The following TBC1D8B variants were observed in gnomAD, a reference collection of about 807,000 sequenced individuals.
The protein encoded by TBC1D8B is RP11-321G1.1.
A neutral mutation model predicts 82.9 loss-of-function variants in TBC1D8B; 75 were observed. The observed-to-expected ratio is 0.90, with a 90% CI of 0.75 to 1.10. The LOEUF is 1.10. TBC1D8B is among the 50% of genes least tolerant of loss of function. The pLI is 0.00. For missense variants in TBC1D8B, 794 were observed against 796.9 expected (o/e 1.00, Z 0.04); for synonymous variants, 276 against 276.8 (o/e 1.00, Z 0.03).
At chrX:106,810,424 T>C (rs5962756) in intron 1 of TBC1D8B, among the ~76,000 whole-genome samples, 7,723 of 111,655 alleles carry the variant, frequency 0.069, 700 homozygotes, top group African/African-American at 0.24. Flanking sequence ...CAATATATAA[T>C]GCACTTAGCG....
rs778943709 is a variant in TBC1D8B, at chrX:106,849,280, G to C, written c.1838-745G>C. On this transcript the variant is annotated intron_variant, in intron 11 of 20. Coordinates refer to ENST00000357242, the MANE Select transcript of TBC1D8B (RefSeq NM_017752.3). ...TTTTATGCCACTAGTAAGAATCCAA[G>C]GACAATGTGTTATTGGGGAGAAGTA... 3 of 1,118,403 alleles carry C rather than the reference G, an allele frequency of 2.7e-6. No homozygotes were observed. The African/African-American group carries it at 6.1e-5, about 23-fold the overall frequency. The allele number at this position is 1,118,403 out of a possible 1,213,427, so 92.2% of individuals were successfully genotyped here.
chrX:106,859,866 C>T (rs771717997), intron 14 of TBC1D8B, among the ~76,000 whole-genome samples: 1 of 111,916 alleles, frequency 8.9e-6, no homozygotes, highest in South Asian at 3.7e-4. Context: ...AGATACAGTT[C>T]TTCAATGCCT....
intron 10 of TBC1D8B, among the ~76,000 whole-genome samples, chrX:106,844,506 T>A (rs750027152): frequency 9.7e-6 from 1 of 102,612 alleles, no homozygotes; most frequent in South Asian, 4.0e-4. Context: ...CATATATATA[T>A]AAACATATAT....
chrX:106,803,047 A>G (rs1320863366), intron 1 of TBC1D8B, 64 bp downstream of exon 1: 2 of 1,086,001 alleles, frequency 1.8e-6, no homozygotes, highest in South Asian at 2.4e-5. Context: ...GGTGGTGAGG[A>G]CAACAGTTAC....
intron 7 of TBC1D8B, among the ~76,000 whole-genome samples, chrX:106,834,034 T>C (rs978939224): frequency 1.8e-5 from 2 of 111,726 alleles, no homozygotes; most frequent in African/African-American, 6.5e-5. Flanking sequence ...TTTTCCTTTA[T>C]TGGCTTCTTC....
intron 17 of TBC1D8B, 61 bp from the exon 18 acceptor site, chrX:106,868,332 G>GA: frequency 1.3e-6 from 1 of 793,734 alleles, no homozygotes. Context: ...GACCCATTAT[G>GA]AACCTCATCT....
chrX:106,839,259 G>T (rs1255269694), intron 7 of TBC1D8B, 49 bp from the exon 8 acceptor site: 2 of 1,070,546 alleles, frequency 1.9e-6, no homozygotes, highest in South Asian at 3.1e-5. Flanking sequence ...TTTTTTTCTT[G>T]TAGAAACGTA....
At chrX:106,822,248 A>G (rs763662870) in intron 4 of TBC1D8B, 46 bp downstream of exon 4, 1 of 974,457 alleles carries the variant, frequency 1.0e-6, no homozygotes, top group Non-Finnish European at 1.4e-6. Context: ...TTGCTGTCTG[A>G]CCTACCAACT....
intron 10 of TBC1D8B, among the ~76,000 whole-genome samples, chrX:106,843,433 CTTTCTTTTTGATTGCAGCCATTCCGG>C (rs1429938576): frequency 8.9e-6 from 1 of 111,782 alleles, no homozygotes; most frequent in African/African-American, 3.2e-5. Flanking sequence ...TCTTAATTGT[CTTTCTTTTTGATTGCAGCCATTCCGG>C]TGAGCGTGAA....
At chrX:106,807,652 A>C (rs753968147) in intron 1 of TBC1D8B, among the ~76,000 whole-genome samples, 28 of 111,476 alleles carry the variant, frequency 2.5e-4, no homozygotes, top group Non-Finnish European at 4.0e-4. Flanking sequence ...CTTTAAAGGT[A>C]ATTTTTTACT....
intron 1 of TBC1D8B, among the ~76,000 whole-genome samples, chrX:106,808,960 G>A (rs941991732): frequency 9.0e-6 from 1 of 111,380 alleles, no homozygotes; most frequent in African/African-American, 3.3e-5. Context: ...CCAGGAGTTC[G>A]AGGCCAGCCT....
At chrX:106,808,684 G>A (rs1000180502) in intron 1 of TBC1D8B, among the ~76,000 whole-genome samples, 2 of 112,183 alleles carry the variant, frequency 1.8e-5, no homozygotes, top group Non-Finnish European at 3.8e-5. Context: ...TTCTCAAACA[G>A]TGCTTCCGTA....
intron 5 of TBC1D8B, among the ~76,000 whole-genome samples, chrX:106,824,248 A>G (rs2147734633): frequency 9.0e-6 from 1 of 111,318 alleles, no homozygotes; most frequent in South Asian, 3.8e-4. Flanking sequence ...AGCTTCTGGC[A>G]AGGAGGATGT....
chrX:106,852,790 C>T (rs762063521), intron 12 of TBC1D8B, among the ~76,000 whole-genome samples: 5 of 111,122 alleles, frequency 4.5e-5, no homozygotes, highest in Non-Finnish European at 9.4e-5. Context: ...TGTTTTGGTA[C>T]CAGTACCATG....
chrX:106,860,051 A>T (rs1421454013), intron 14 of TBC1D8B, among the ~76,000 whole-genome samples: 1 of 111,582 alleles, frequency 9.0e-6, no homozygotes, highest in Non-Finnish European at 1.9e-5. Flanking sequence ...ATACTTGCTC[A>T]TGGTGTGTTA....
intron 14 of TBC1D8B, among the ~76,000 whole-genome samples, chrX:106,862,338 A>G (rs780222274): frequency 2.4e-4 from 27 of 111,612 alleles, no homozygotes; most frequent in African/African-American, 7.5e-4. Context: ...TAATTCAGAG[A>G]ACCAGTCTTC....
intron 14 of TBC1D8B, 147 bp downstream of exon 14, chrX:106,854,443 CTT>C (rs1217354307): frequency 2.8e-6 from 1 of 354,437 alleles, no homozygotes; most frequent in African/African-American, 2.7e-5. Context: ...ATGGTAAATT[CTT>C]TTTTAGAGAA....
In TBC1D8B at chrX:106,875,206, C is replaced by T; in HGVS notation, c.*1241C>T. On this transcript the variant is annotated 3_prime_UTR_variant, in exon 21 of 21. Coordinates refer to ENST00000357242, the MANE Select transcript of TBC1D8B (RefSeq NM_017752.3). ...TGACTTAGAAAATAGGGGGAGAAAT[C>T]ATTCATTGGAGCTTCTTTCTTTAGA... 1 of 111,110 alleles carries T rather than the reference C, an allele frequency of 9.0e-6. No individual in the cohort carries two copies. Among genetic ancestry groups the T allele is most frequent in the South Asian group, 3.9e-4 (1 of 2,592 alleles). The allele number at this position is 111,110 out of a possible 1,213,427, so 9.2% of individuals were successfully genotyped here.
At chrX:106,845,155 G>A (rs775378733) in intron 10 of TBC1D8B, among the ~76,000 whole-genome samples, 16 of 109,362 alleles carry the variant, frequency 1.5e-4, no homozygotes, top group Non-Finnish European at 2.9e-4. Context: ...TCTCTCACTC[G>A]CACTATCTCG....
Sources: allele counts gnomAD v4.1 joint callset (sites outside exome capture counted in the v4.1 genomes callset), GRCh38; gene constraint gnomAD v4.1.1; transcripts MANE v1.5; gene names NCBI Gene and HGNC (gene_info 2026-07-23, HGNC 2026-07-21).